The following ANKMY2 variants were observed in gnomAD, a reference collection of about 807,000 sequenced individuals.
ANKMY2 encodes the protein ankyrin repeat and MYND domain-containing protein 2.
A neutral mutation model predicts 50.4 loss-of-function variants in ANKMY2; 36 were observed. The observed-to-expected ratio is 0.71, with a 90% CI of 0.55 to 0.94. The LOEUF (loss-of-function observed/expected upper bound fraction) is 0.94. Among genes scored for constraint, ANKMY2 ranks in the 40% least tolerant of loss-of-function variants. The pLI, the probability that ANKMY2 is intolerant of heterozygous loss-of-function variation, is 0.00. For missense variants in ANKMY2, 565 were observed against 524.0 expected (o/e 1.08, Z -0.76); for synonymous variants, 187 against 178.8 (o/e 1.05, Z -0.36).
intron 1 of ANKMY2, among the ~76,000 whole-genome samples, chr7:16,645,210 C>T (rs1368094235): frequency 6.6e-6 from 1 of 152,170 alleles, no homozygotes; most frequent in South Asian, 2.1e-4. Flanking sequence ...GGGGTCCACA[C>T]CCCGGGAAGC....
chr7:16,639,627 A>T (rs1781719508), intron 1 of ANKMY2, among the ~76,000 whole-genome samples: 1 of 152,084 alleles, frequency 6.6e-6, no homozygotes, highest in Non-Finnish European at 1.5e-5. Context: ...AAAATTTTCT[A>T]AAAAATTAGC....
chr7:16,622,888 T>A (rs547938570), intron 4 of ANKMY2, among the ~76,000 whole-genome samples: 2 of 152,216 alleles, frequency 1.3e-5, no homozygotes, highest in Non-Finnish European at 2.9e-5. Context: ...AGTACTAACT[T>A]GTAAAACATA....
At chr7:16,616,335 T>C (rs1262400344) in intron 4 of ANKMY2, among the ~76,000 whole-genome samples, 1 of 152,170 alleles carries the variant, frequency 6.6e-6, no homozygotes, top group Non-Finnish European at 1.5e-5. Flanking sequence ...CTTACTATAA[T>C]GATAATATTA....
chr7:16,621,110 T>C (rs904752937), intron 4 of ANKMY2, among the ~76,000 whole-genome samples: 13 of 152,182 alleles, frequency 8.5e-5, no homozygotes, highest in Admixed American at 2.6e-4. Flanking sequence ...CAGTAAACTG[T>C]AATAAAAATA....
At chr7:16,622,726 C>A (rs574355321) in intron 4 of ANKMY2, among the ~76,000 whole-genome samples, 2 of 148,876 alleles carry the variant, frequency 1.3e-5, no homozygotes, top group African/African-American at 2.5e-5. Context: ...GGCGACAGGG[C>A]GAGACTCCAT....
chr7:16,618,596 T>C (rs1781391258), intron 4 of ANKMY2, among the ~76,000 whole-genome samples: 3 of 152,118 alleles, frequency 2.0e-5, no homozygotes, highest in Admixed American at 1.3e-4. Flanking sequence ...GGGAGGTGGG[T>C]ATTTCTTTTA....
At chr7:16,601,651 G>T (rs1781065273) in intron 9 of ANKMY2, among the ~76,000 whole-genome samples, 1 of 152,190 alleles carries the variant, frequency 6.6e-6, no homozygotes, top group African/African-American at 2.4e-5. Context: ...ATGGTTCCTT[G>T]AGAGATGGAG....
chr7:16,618,215 C>T (rs1781385643), intron 4 of ANKMY2, among the ~76,000 whole-genome samples: 1 of 152,096 alleles, frequency 6.6e-6, no homozygotes, highest in African/African-American at 2.4e-5. Flanking sequence ...CGTGAGCCAC[C>T]ATGCCCAGCC....
intron 9 of ANKMY2, 132 bp downstream of exon 9, chr7:16,602,248 A>G (rs1292884542): frequency 9.0e-7 from 1 of 1,106,796 alleles, no homozygotes; most frequent in Non-Finnish European, 1.3e-6. Flanking sequence ...TTAAAATTTA[A>G]ATGTGATTCT....
At chr7:16,622,772 AT>A (rs1365056726) in intron 4 of ANKMY2, among the ~76,000 whole-genome samples, 9 of 104,252 alleles carry the variant, frequency 8.6e-5, no homozygotes, top group African/African-American at 2.4e-4. Context: ...AAATAAATAA[AT>A]AAATAAATAA....
chr7:16,640,376 T>C (rs1781727919), intron 1 of ANKMY2, among the ~76,000 whole-genome samples: 1 of 152,150 alleles, frequency 6.6e-6, no homozygotes, highest in Non-Finnish European at 1.5e-5. Context: ...TTCTAATATC[T>C]AGATCGGGAA....
chr7:16,601,901 C>T (rs1781073381), intron 9 of ANKMY2, among the ~76,000 whole-genome samples: 1 of 152,094 alleles, frequency 6.6e-6, no homozygotes, highest in Non-Finnish European at 1.5e-5. Context: ...GAAATTTGAT[C>T]TGTATATTAG....
chr7:16,622,615 C>T lies in ANKMY2; in HGVS notation c.370+2368G>A, dbSNP rs529639245. 1.3e-4 allele frequency among the ~76,000 whole-genome samples: 20 copies of T among 152,124 alleles called. No homozygotes were observed. In the South Asian group the frequency reaches 4.2e-3, roughly 32 times the overall value. ...ATTAGCTAGGCGTGGTGGCGCACAC[C>T]TATAATCCCAGCTAGTTGGGAGGCT... is the stretch of plus-strand genomic sequence containing the variant. On this transcript the variant is annotated intron_variant, in intron 4 of 9. Coordinates refer to ENST00000306999, the MANE Select transcript of ANKMY2 (RefSeq NM_020319.3).
chr7:16,617,917 G>GTTTTTTTTTTTTT (rs780533044), intron 4 of ANKMY2, among the ~76,000 whole-genome samples: 4 of 110,902 alleles, frequency 3.6e-5, no homozygotes, highest in African/African-American at 1.4e-4. Context: ...CAGTGAGCGT[G>GTTTTTTTTTTTTT]TTTTTTTTTT....
intron 9 of ANKMY2, 47 bp from the exon 10 acceptor site, chr7:16,600,992 C>A: frequency 6.9e-7 from 1 of 1,454,380 alleles, no homozygotes; most frequent in Non-Finnish European, 9.3e-7. Context: ...ATGTGTCAGA[C>A]ACTCTTCTCA....
chr7:16,623,223 G>A (rs947547689), intron 4 of ANKMY2, among the ~76,000 whole-genome samples: 1 of 152,074 alleles, frequency 6.6e-6, no homozygotes, highest in African/African-American at 2.4e-5. Flanking sequence ...CTTTTTTAAA[G>A]GCTAATTATT....
chr7:16,627,020 T>C lies in ANKMY2; in HGVS notation c.271+20A>G. Reference sequence around the variant, plus strand: ...CAAGTTTGTATAGGTAACTTATATTTATAAATACTAAAACTTCACCAGAAA... The same window carrying C: ...CAAGTTTGTATAGGTAACTTATATTCATAAATACTAAAACTTCACCAGAAA... On this transcript the variant is annotated intron_variant, in intron 3 of 9. Coordinates refer to ENST00000306999, the MANE Select transcript of ANKMY2 (RefSeq NM_020319.3). 9 of 1,575,726 alleles carry C rather than the reference T, an allele frequency of 5.7e-6. No homozygotes were observed. The highest frequency in any genetic ancestry group is 7.7e-6 in the Non-Finnish European group (9 of 1,162,782).
chr7:16,639,690 G>C (rs1562467904), intron 1 of ANKMY2, among the ~76,000 whole-genome samples: 1 of 152,170 alleles, frequency 6.6e-6, no homozygotes, highest in Non-Finnish European at 1.5e-5. Context: ...GCTGAGGTGG[G>C]AGGATTGCTT....
chr7:16,632,423 C>T (rs1257903616), intron 2 of ANKMY2, among the ~76,000 whole-genome samples: 1 of 152,178 alleles, frequency 6.6e-6, no homozygotes, highest in Non-Finnish European at 1.5e-5. Flanking sequence ...CTCCCTTACT[C>T]AGCCCCAGTC....
Sources: gnomAD v4.1 joint callset for allele counts (sites outside exome capture counted in the v4.1 genomes callset) on GRCh38, gnomAD v4.1.1 for gene constraint, MANE v1.5 for transcripts, NCBI Gene and HGNC (gene_info 2026-07-23, HGNC 2026-07-21) for gene names.